The following UBE2D3 variants were observed in gnomAD, a reference collection of about 807,000 sequenced individuals.
UBE2D3 encodes ubiquitin-conjugating enzyme E2 D3.
In UBE2D3, 2 loss-of-function variants were observed where a neutral mutation model predicts 22.8. The ratio of observed to expected loss-of-function variants is 0.09; its 90% CI spans 0.04 to 0.28. UBE2D3 has a LOEUF of 0.28. Among genes scored for constraint, UBE2D3 ranks in the 10% least tolerant of loss-of-function variants. The pLI is 1.00. For synonymous variants in UBE2D3, 56 were observed against 60.4 expected (o/e 0.93, Z 0.34); for missense variants, 27 against 182.5 (o/e 0.15, Z 4.91).
upstream of UBE2D3, among the ~76,000 whole-genome samples, chr4:102,832,233 A>G (rs1219992405): frequency 6.6e-6 from 1 of 152,212 alleles, no homozygotes; most frequent in Non-Finnish European, 1.5e-5. Context: ...CAGCATGCAA[A>G]GTCTCAGAGA....
intron 1 of UBE2D3, among the ~76,000 whole-genome samples, chr4:102,867,895 C>CT: frequency 6.6e-6 from 1 of 151,820 alleles, no homozygotes; most frequent in Non-Finnish European, 1.5e-5. Flanking sequence ...TTTCTTAAAA[C>CT]TTTATGAAAA....
At chr4:102,802,788 A>G (rs1341986616) in intron 4 of UBE2D3, 150 bp from the exon 5 acceptor site, 1 of 490,764 alleles carries the variant, frequency 2.0e-6, no homozygotes. Flanking sequence ...TTCAGTCTAT[A>G]GTAATAGAAA....
intron 1 of UBE2D3, among the ~76,000 whole-genome samples, chr4:102,868,073 T>TTTA (rs1733247836): frequency 3.2e-5 from 1 of 31,698 alleles, no homozygotes; most frequent in Non-Finnish European, 5.3e-5. Context: ...CTTTAGATTC[T>TTTA]TTTTTTTTTT....
At chr4:102,828,140 A>G (rs568182783), upstream of UBE2D3, 6 of 985,458 alleles carry the variant, frequency 6.1e-6, no homozygotes, top group South Asian at 1.9e-4. Flanking sequence ...ACGCCCCTGA[A>G]TGCTTATGCC....
chr4:102,819,511 T>A, intron 2 of UBE2D3: 1 of 960,250 alleles, frequency 1.0e-6, no homozygotes, highest in South Asian at 4.8e-5. Flanking sequence ...AGCCAGTATC[T>A]GTTCATCAGA....
At chr4:102,839,984 T>C (rs1315878385) in intron 1 of UBE2D3, among the ~76,000 whole-genome samples, 1 of 152,214 alleles carries the variant, frequency 6.6e-6, no homozygotes, top group African/African-American at 2.4e-5. Flanking sequence ...AATAGACATT[T>C]CTCAGAAGAA....
chr4:102,825,767 C>T (rs1464082660), intron 2 of UBE2D3: 1 of 467,682 alleles, frequency 2.1e-6, no homozygotes, highest in Non-Finnish European at 4.2e-6. Context: ...CACCCCCACT[C>T]TCCAGCCAAA....
intron 2 of UBE2D3, among the ~76,000 whole-genome samples, chr4:102,817,834 C>CA (rs1728996666): frequency 6.6e-6 from 1 of 152,154 alleles, no homozygotes; most frequent in South Asian, 2.1e-4. Context: ...GACTGGAAAT[C>CA]AATTTCCAAC....
intron 1 of UBE2D3, among the ~76,000 whole-genome samples, chr4:102,861,338 GGGGTTT>G (rs1371434186): frequency 1.3e-5 from 2 of 151,984 alleles, no homozygotes; most frequent in Non-Finnish European, 2.9e-5. Context: ...TATTTCTGCA[GGGGTTT>G]GAGGGCTGGA....
In UBE2D3 at chr4:102,827,524, G is replaced by A. The variant is rs551705919; in HGVS notation, c.-226C>T. ...CTACGGGGCTCACGCGCACGACACAGCCACAAGATGTCCGCTCTGACGGAA... is the reference window on the plus strand; with the variant it reads ...CTACGGGGCTCACGCGCACGACACAACCACAAGATGTCCGCTCTGACGGAA... On this transcript the variant is annotated 5_prime_UTR_variant, in exon 1 of 8. Transcript: ENST00000453744. 3.1e-5 allele frequency: 31 copies of A among 986,152 alleles called. No individual in the cohort carries two copies. In the Admixed American group the frequency reaches 3.7e-4, roughly 12 times the overall value. 61.1% of individuals were successfully genotyped at this position (986,152 alleles called of 1,614,324 possible).
chr4:102,858,603 T>C (rs1732736228), intron 1 of UBE2D3, among the ~76,000 whole-genome samples: 1 of 151,966 alleles, frequency 6.6e-6, no homozygotes, highest in South Asian at 2.1e-4. Flanking sequence ...TCTATTGATA[T>C]CCATTAATAA....
At chr4:102,829,122 A>G (rs974633320), upstream of UBE2D3, among the ~76,000 whole-genome samples, 1 of 152,178 alleles carries the variant, frequency 6.6e-6, no homozygotes, top group African/African-American at 2.4e-5. Context: ...TTCTCAAACT[A>G]GTGTCCATAG....
rs1240999518 is a variant in UBE2D3, at chr4:102,847,593, T to C, written c.-128-20957A>G. On this transcript the variant is annotated intron_variant, in intron 1 of 7. Coordinates refer to the UBE2D3 transcript ENST00000338145. ...TGAGCCACCGCACCTGGTCACCACATACAGTCTTAATTGTAGTTTTTATGT... is the reference window on the plus strand; with the variant it reads ...TGAGCCACCGCACCTGGTCACCACACACAGTCTTAATTGTAGTTTTTATGT... Among the ~76,000 whole-genome samples the C allele has an allele frequency of 2.0e-5, 3 of 152,062 alleles. No homozygotes were observed. In the East Asian group the frequency reaches 5.8e-4, roughly 29 times the overall value.
chr4:102,825,201 A>G, intron 2 of UBE2D3: 1 of 977,408 alleles, frequency 1.0e-6, no homozygotes, highest in Non-Finnish European at 1.2e-6. Flanking sequence ...CTCTTTTTAA[A>G]AAAGTAATCT....
chr4:102,838,850 A>G (rs980841112), intron 1 of UBE2D3, among the ~76,000 whole-genome samples: 1 of 151,776 alleles, frequency 6.6e-6, no homozygotes, highest in African/African-American at 2.4e-5. Context: ...GGAAAGGCAA[A>G]TAGCTCTATC....
chr4:102,843,334 C>T (rs1212060620), intron 1 of UBE2D3: 2 of 151,734 alleles, frequency 1.3e-5, no homozygotes, highest in Non-Finnish European at 2.9e-5. Context: ...TACCTCTTGA[C>T]TTGCTACTGG....
At chr4:102,825,908 A>G in intron 2 of UBE2D3, 1 of 400,542 alleles carries the variant, frequency 2.5e-6, no homozygotes, top group Admixed American at 2.9e-5. Context: ...CTCCTCCCAA[A>G]CCCACTTATT....
intron 1 of UBE2D3, among the ~76,000 whole-genome samples, chr4:102,841,033 T>C (rs913313759): frequency 3.5e-4 from 52 of 150,724 alleles, no homozygotes; most frequent in African/African-American, 1.2e-3. Context: ...AAAAAAAAAG[T>C]ATAGCAATTT....
intron 2 of UBE2D3, chr4:102,812,913 G>A (rs1728249616): frequency 1.3e-5 from 2 of 152,138 alleles, no homozygotes; most frequent in African/African-American, 2.4e-5. Flanking sequence ...TACAGTCAAT[G>A]GGGGTTATTA....
Sources: gnomAD v4.1 joint callset for allele counts (sites outside exome capture counted in the v4.1 genomes callset) on GRCh38, gnomAD v4.1.1 for gene constraint, MANE v1.5 for transcripts, NCBI Gene and HGNC (gene_info 2026-07-23, HGNC 2026-07-21) for gene names.